The following ZBTB5 variants were observed in gnomAD, a reference collection of about 807,000 sequenced individuals.
The protein encoded by ZBTB5 is zinc finger and BTB domain containing 5.
Under a neutral mutation model 37.9 loss-of-function variants are expected in ZBTB5, and 15 were observed. The ratio of observed to expected loss-of-function variants is 0.40; its 90% CI spans 0.26 to 0.61. ZBTB5 has a LOEUF of 0.61. Ranked by LOEUF, ZBTB5 falls within the 20% of genes least tolerant of loss-of-function variation. The pLI is 0.47. For missense variants in ZBTB5, 708 were observed against 856.8 expected (o/e 0.83, Z 2.17); for synonymous variants, 315 against 312.4 (o/e 1.01, Z -0.09).
At chr9:37,461,113 G>A (rs1002012906) in intron 1 of ZBTB5, among the ~76,000 whole-genome samples, 24 of 152,216 alleles carry the variant, frequency 1.6e-4, no homozygotes, top group African/African-American at 5.5e-4. Flanking sequence ...AGTTGCTTTT[G>A]ATCATCTATT....
intron 1 of ZBTB5, among the ~76,000 whole-genome samples, chr9:37,460,562 A>C (rs116305072): frequency 0.047 from 7,191 of 152,068 alleles, 175 homozygotes; most frequent in Middle Eastern, 0.078. Context: ...TCTACAAAAA[A>C]ATTTTTTTTT....
chr9:37,454,615 T>C (rs1824155721), intron 1 of ZBTB5, among the ~76,000 whole-genome samples: 1 of 152,258 alleles, frequency 6.6e-6, no homozygotes, highest in Non-Finnish European at 1.5e-5. Context: ...AAAGATGACT[T>C]TTCTCAATAG....
intron 1 of ZBTB5, among the ~76,000 whole-genome samples, chr9:37,456,787 T>C (rs1372463047): frequency 6.6e-6 from 1 of 152,238 alleles, no homozygotes; most frequent in Non-Finnish European, 1.5e-5. Context: ...ACTCAGTAAA[T>C]TATTTGCTGA....
At chr9:37,460,059 T>G (rs751218111) in intron 1 of ZBTB5, among the ~76,000 whole-genome samples, 50 of 151,896 alleles carry the variant, frequency 3.3e-4, no homozygotes, top group Admixed American at 5.9e-4. Flanking sequence ...TTAGCCAGGC[T>G]AGTCTCAAGC....
intron 1 of ZBTB5, among the ~76,000 whole-genome samples, chr9:37,462,562 GTTTTTTT>G (rs372165548): frequency 7.5e-6 from 1 of 132,464 alleles, no homozygotes; most frequent in Non-Finnish European, 1.6e-5. Context: ...TGCTTTAACC[GTTTTTTT>G]TTTTTTTTTG....
At chr9:37,458,932 A>G (rs1017650061) in intron 1 of ZBTB5, among the ~76,000 whole-genome samples, 4 of 152,252 alleles carry the variant, frequency 2.6e-5, no homozygotes, top group African/African-American at 9.6e-5. Context: ...CACTTAAGAA[A>G]ATACCACTTG....
rs374094402 is a variant in ZBTB5 at position 37,441,987 on chromosome 9, G to A, written c.565C>T (p.Arg189Cys). The A allele has an allele frequency of 3.8e-5, 62 of 1,613,734 alleles. No individual in the cohort carries two copies. The highest frequency in any genetic ancestry group is 1.6e-4 in the Middle Eastern group (1 of 6,084). ...GCAGACTGCTTGCGCTTATGAAGGC[G>A]TCTCATGGGGAAGGGCGTGCGCTGA... ...LDQRTPFPMR[R>C]LHKRKQSAEE... is the part of the protein sequence containing the mutation. Residue 189 changes from arginine (R) to cysteine (C), a missense_variant, in exon 2 of 2, where the codon CGC (arginine) becomes TGC (cysteine). Arg to Cys is a radical substitution (Grantham distance 180, BLOSUM62 -3). This residue lies in a region of ZBTB5 where 639 missense variants were observed against 690.5 expected (regional missense o/e 0.93). Coordinates refer to ENST00000307750, the MANE Select transcript of ZBTB5 (RefSeq NM_014872.3).
chr9:37,457,192 T>G (rs998629865), intron 1 of ZBTB5, among the ~76,000 whole-genome samples: 1 of 152,236 alleles, frequency 6.6e-6, no homozygotes, highest in East Asian at 1.9e-4. Flanking sequence ...ATAAAGGTAC[T>G]TGTGTATTTT....
intron 1 of ZBTB5, among the ~76,000 whole-genome samples, chr9:37,458,112 T>C (rs1353540823): frequency 2.0e-5 from 3 of 152,230 alleles, no homozygotes; most frequent in Non-Finnish European, 4.4e-5. Context: ...ATTAGTTTGA[T>C]CATGGAATTG....
At chr9:37,451,530 C>T (rs2118947402) in intron 1 of ZBTB5, among the ~76,000 whole-genome samples, 1 of 135,618 alleles carries the variant, frequency 7.4e-6, no homozygotes, top group African/African-American at 2.9e-5. Context: ...TGCACTCCAG[C>T]CTGGGTGACA....
intron 1 of ZBTB5, among the ~76,000 whole-genome samples, chr9:37,443,038 T>G (rs532675276): frequency 6.6e-6 from 1 of 152,228 alleles, no homozygotes; most frequent in South Asian, 2.1e-4. Context: ...GCCCCGTGCT[T>G]TTTCCTGAAA....
In ZBTB5 at chr9:37,442,319, G is replaced by A; in HGVS notation, c.233C>T (p.Ala78Val). 1 of 1,614,230 alleles carries A rather than the reference G, an allele frequency of 6.2e-7. No homozygotes were observed. The highest frequency in any genetic ancestry group is 8.5e-7 in the Non-Finnish European group (1 of 1,180,042). ...DSEVVTAEAF[A>V]ALIDMMYTST... Reference sequence around the variant, plus strand: ...GGTATACATCATGTCAATCAGTGCAGCAAAGGCCTCTGCTGTCACCACCTC... The same window carrying A: ...GGTATACATCATGTCAATCAGTGCAACAAAGGCCTCTGCTGTCACCACCTC... The change falls in exon 2 of 2, where the codon GCT becomes GTT. Residue 78 changes from alanine (A) to valine (V), a missense_variant. Around this residue, in one of 3 missense-constraint regions of ZBTB5, gnomAD observed 639 missense variants for 690.5 expected, o/e 0.93. Coordinates refer to ENST00000307750, the MANE Select transcript of ZBTB5 (RefSeq NM_014872.3).
chr9:37,456,331 C>T (rs1222623564), intron 1 of ZBTB5, among the ~76,000 whole-genome samples: 3 of 152,134 alleles, frequency 2.0e-5, no homozygotes, highest in African/African-American at 4.8e-5. Context: ...CTAATTTGAC[C>T]AGCAAAGTGG....
chr9:37,461,942 A>G (rs1366021590), intron 1 of ZBTB5, among the ~76,000 whole-genome samples: 2 of 152,170 alleles, frequency 1.3e-5, no homozygotes, highest in Non-Finnish European at 2.9e-5. Context: ...CATTTTCCAG[A>G]GCAGGAAAAC....
In ZBTB5 at chr9:37,447,472, C is replaced by CT. The variant is rs35406738; in HGVS notation, c.-4-4918dup. ...AATAAAATATATATTTTTTACTGTG[C>CT]TTTTTTTTTGAGACAGGGTTTCACC... is the stretch of plus-strand genomic sequence containing the variant. On this transcript the variant is annotated intron_variant, in intron 1 of 1. Coordinates refer to ENST00000307750, the MANE Select transcript of ZBTB5 (RefSeq NM_014872.3). Among the ~76,000 whole-genome samples the CT allele has an allele frequency of 2.3e-3, 353 of 151,218 alleles. 1 individual carries two copies. The highest frequency in any genetic ancestry group is 7.6e-3 in the African/African-American group (313 of 41,256).
chr9:37,463,503 C>A (rs1824331253), intron 1 of ZBTB5, among the ~76,000 whole-genome samples: 5 of 152,112 alleles, frequency 3.3e-5, no homozygotes, highest in Admixed American at 3.3e-4. Flanking sequence ...ATTCAAGATT[C>A]TCTGTCAGCA....
chr9:37,441,876 C>A lies in ZBTB5; in HGVS notation c.676G>T (p.Val226Phe), dbSNP rs765519178. Reference sequence around the variant, plus strand: ...GAAAAGAACTCCTCCCGAGAATGAACCCCTGAAGGCCCATTCTCCGGTGTA... The same window carrying A: ...GAAAAGAACTCCTCCCGAGAATGAAACCCTGAAGGCCCATTCTCCGGTGTA... ...DVTPENGPSG[V>F]HSREEFFSPD... Residue 226 changes from valine (V) to phenylalanine (F), a missense_variant, in exon 2 of 2, where the codon GTT becomes TTT. By Grantham distance (50) the Val-to-Phe change is conservative. Transcript: ENST00000307750. The A allele has an allele frequency of 2.5e-6, 4 of 1,614,180 alleles. No individual in the cohort carries two copies. In the South Asian group the frequency reaches 4.4e-5, roughly 18 times the overall value.
At chr9:37,452,510 A>G (rs1824121766) in intron 1 of ZBTB5, among the ~76,000 whole-genome samples, 1 of 152,348 alleles carries the variant, frequency 6.6e-6, no homozygotes, top group African/African-American at 2.4e-5. Context: ...AAGGAGGCTT[A>G]GATTCATACT....
chr9:37,440,504 G>C lies in ZBTB5; in HGVS notation c.*14C>G, dbSNP rs758692924. On this transcript the variant is annotated 3_prime_UTR_variant, in exon 2 of 2. Transcript: ENST00000307750. ...TGACAACTGGCCTCAGCGTTGTCTT[G>C]TAAGGACAAACAGCTAGAGCAAAGT... 9 of 1,611,416 alleles carry C rather than the reference G, an allele frequency of 5.6e-6. No individual in the cohort carries two copies. In the East Asian group the frequency reaches 1.8e-4, roughly 32 times the overall value.
Sources: gnomAD v4.1 joint callset for allele counts (sites outside exome capture counted in the v4.1 genomes callset) on GRCh38, gnomAD v4.1.1 for gene constraint, gnomAD v4.1.1 regional missense constraint, MANE v1.5 for transcripts, NCBI Gene and HGNC (gene_info 2026-07-23, HGNC 2026-07-21) for gene names.